Variants in EIF5B observed in about 807,000 individuals in gnomAD.
EIF5B encodes eukaryotic translation initiation factor 5B.
A neutral mutation model predicts 147.5 loss-of-function variants in EIF5B; 47 were observed. The observed-to-expected ratio is 0.32, with a 90% CI of 0.25 to 0.41. EIF5B has a LOEUF of 0.41. Among genes scored for constraint, EIF5B ranks in the 10% least tolerant of loss-of-function variants. The pLI is 1.00. For synonymous variants in EIF5B, 455 were observed against 456.2 expected (o/e 1.00, Z 0.03); for missense variants, 1,064 against 1,413.2 (o/e 0.75, Z 3.96).
At chr2:99,374,602 T>C (rs1009275200) in intron 9 of EIF5B, among the ~76,000 whole-genome samples, 8 of 152,198 alleles carry the variant, frequency 5.3e-5, no homozygotes, top group South Asian at 2.1e-4. Flanking sequence ...TGAGGAATTA[T>C]TGGTTGAAGT....
Position 99,394,900 on chromosome 2 carries a change from ATTTAC to A in EIF5B, c.3254+21_3254+25del, listed in dbSNP as rs778720891. The A allele has an allele frequency of 1.3e-5, 20 of 1,548,794 alleles. No individual in the cohort carries two copies. The highest frequency in any genetic ancestry group is 1.8e-5 in the Non-Finnish European group (20 of 1,142,736). On this transcript the variant is annotated intron_variant, in intron 21 of 23. Coordinates refer to ENST00000289371, the MANE Select transcript of EIF5B (RefSeq NM_015904.4). ...AGAATTTAAGTAAGTTACTGTTTTT[ATTTAC>A]TTTGAGTCTTTGTTAATGAACATGA... is the stretch of plus-strand genomic sequence containing the variant.
At chr2:99,338,334 A>G (rs1239359822) in intron 1 of EIF5B, 1 of 1,289,060 alleles carries the variant, frequency 7.8e-7, no homozygotes, top group Non-Finnish European at 1.0e-6. Flanking sequence ...TTTTTGAGAC[A>G]TTTCTGTGTG....
rs1675002871 is a variant in EIF5B, at chr2:99,394,526, T to C, written c.3030T>C (p.Ile1010=). 1.2e-6 allele frequency: 2 copies of C among 1,614,060 alleles called. No individual in the cohort carries two copies. Among genetic ancestry groups the C allele is most frequent in the African/African-American group, 1.3e-5 (1 of 74,930 alleles). Residue 1010 remains isoleucine, a synonymous_variant, in exon 20 of 24, where the codon ATT becomes ATC. Transcript: ENST00000289371. The part of the protein sequence containing the change: ...TSEVPYAGIN[I]GPVHKKDVMK... ...TTTTTCAGTATGCAGGAATTAACAT[T>C]GGCCCAGTGCATAAAAAAGATGTTA...
chr2:99,386,525 G>T (rs560214601), intron 14 of EIF5B, among the ~76,000 whole-genome samples: 2 of 150,084 alleles, frequency 1.3e-5, no homozygotes, highest in African/African-American at 4.9e-5. Context: ...CTCTTGCTGT[G>T]TGTGTGTGTG....
chr2:99,351,720 C>T (rs1161862130), intron 1 of EIF5B, among the ~76,000 whole-genome samples: 2 of 151,798 alleles, frequency 1.3e-5, no homozygotes, highest in South Asian at 2.1e-4. Flanking sequence ...GTTTTTGAGA[C>T]GAAGTCTCAC....
intron 9 of EIF5B, among the ~76,000 whole-genome samples, chr2:99,372,644 A>G (rs1674476748): frequency 6.6e-6 from 1 of 152,122 alleles, no homozygotes; most frequent in African/African-American, 2.4e-5. Flanking sequence ...CGCCTAGTGT[A>G]TTTCTTAATT....
intron 1 of EIF5B, among the ~76,000 whole-genome samples, chr2:99,347,640 C>A (rs1038395538): frequency 1.3e-5 from 2 of 151,952 alleles, no homozygotes; most frequent in African/African-American, 2.4e-5. Context: ...TTGCCTCTTA[C>A]AATGGATTTC....
At chr2:99,389,597 T>TAA in intron 14 of EIF5B, 121 bp from the exon 15 acceptor site, 1 of 778,728 alleles carries the variant, frequency 1.3e-6, no homozygotes, top group Admixed American at 5.1e-5. Flanking sequence ...ATAAAGTGTA[T>TAA]GAGTAAGTCA....
intron 1 of EIF5B, among the ~76,000 whole-genome samples, chr2:99,356,129 G>A (rs1201899271): frequency 1.3e-5 from 2 of 151,952 alleles, no homozygotes; most frequent in Admixed American, 1.3e-4. Context: ...TCTGTTCCAG[G>A]GTCCTATACA....
chr2:99,343,451 T>C (rs1027079286), intron 1 of EIF5B, among the ~76,000 whole-genome samples: 1 of 152,114 alleles, frequency 6.6e-6, no homozygotes, highest in Non-Finnish European at 1.5e-5. Context: ...GTTGCTTGCA[T>C]TTTGGTGTTG....
At chr2:99,393,821 C>T (rs1231012057) in intron 18 of EIF5B, among the ~76,000 whole-genome samples, 1 of 152,200 alleles carries the variant, frequency 6.6e-6, no homozygotes, top group Non-Finnish European at 1.5e-5. Context: ...AAAATCTCTT[C>T]TTCCATTTCC....
intron 14 of EIF5B, among the ~76,000 whole-genome samples, chr2:99,385,267 A>G (rs1674777252): frequency 6.6e-6 from 1 of 152,136 alleles, no homozygotes; most frequent in African/African-American, 2.4e-5. Flanking sequence ...GCTGTCTTGA[A>G]CTTCCGAGCT....
intron 3 of EIF5B, 53 bp from the exon 4 acceptor site, chr2:99,361,095 T>C (rs1467318459): frequency 1.4e-6 from 2 of 1,405,858 alleles, no homozygotes; most frequent in African/African-American, 2.9e-5. Flanking sequence ...AGCACATGAC[T>C]CTGGTCTCAA....
At chr2:99,399,006 T>A in intron 23 of EIF5B, 97 bp downstream of exon 23, 1 of 1,380,900 alleles carries the variant, frequency 7.2e-7, no homozygotes, top group Non-Finnish European at 9.8e-7. Flanking sequence ...AGTTTGATTG[T>A]AGAATCTGAT....
At chr2:99,365,103 C>T (rs1161040094) in intron 6 of EIF5B, among the ~76,000 whole-genome samples, 1 of 152,068 alleles carries the variant, frequency 6.6e-6, no homozygotes. Flanking sequence ...ATATTGGGAC[C>T]TCTCTTAAAT....
chr2:99,395,987 G>A (rs1675038254), intron 21 of EIF5B, among the ~76,000 whole-genome samples: 5 of 152,136 alleles, frequency 3.3e-5, no homozygotes, highest in Admixed American at 3.3e-4. Context: ...TGGTTAATTG[G>A]GTTGTTATGT....
chr2:99,393,472 C>T (rs1043926064), intron 18 of EIF5B, among the ~76,000 whole-genome samples: 1 of 151,778 alleles, frequency 6.6e-6, no homozygotes, highest in Non-Finnish European at 1.5e-5. Flanking sequence ...TGCCACTGCA[C>T]TCCAACCTGG....
At chr2:99,353,613 T>A (rs193279365) in intron 1 of EIF5B, among the ~76,000 whole-genome samples, 2 of 152,216 alleles carry the variant, frequency 1.3e-5, no homozygotes, top group Non-Finnish European at 2.9e-5. Flanking sequence ...ACAGTCAAGA[T>A]GCAGAATATC....
rs114903763 is a variant in EIF5B at position 99,366,603 on chromosome 2, A to G, written c.1289-1890A>G. Among the ~76,000 whole-genome samples, 517 of 152,348 alleles carry G rather than the reference A, an allele frequency of 3.4e-3. 2 individuals are homozygous for G. The highest frequency in any genetic ancestry group is 6.4e-3 in the Non-Finnish European group (438 of 68,036). ...GTGACTTCATTCAAAATCCCATGGT[A>G]TACAATTTCTGTTGTCTTTATTCTA... On this transcript the variant is annotated intron_variant, in intron 6 of 23. Coordinates refer to ENST00000289371, the MANE Select transcript of EIF5B (RefSeq NM_015904.4).
Sources: gnomAD v4.1 joint callset for allele counts (sites outside exome capture counted in the v4.1 genomes callset) on GRCh38, gnomAD v4.1.1 for gene constraint, MANE v1.5 for transcripts, NCBI Gene and HGNC (gene_info 2026-07-23, HGNC 2026-07-21) for gene names.